Variants in EBF1 observed in about 807,000 individuals in gnomAD.
EBF1 encodes the protein transcription factor COE1.
In EBF1, 10 loss-of-function variants were observed where a neutral mutation model predicts 68.4. The ratio of observed to expected loss-of-function variants is 0.15; its 90% confidence interval spans 0.09 to 0.25. The LOEUF is 0.25. Ranked by LOEUF, EBF1 falls within the 10% of genes least tolerant of loss-of-function variation. The pLI, the probability that EBF1 is intolerant of heterozygous loss-of-function variation, is 1.00. For missense variants in EBF1, 509 were observed against 794.4 expected (o/e 0.64, Z 4.32); for synonymous variants, 298 against 299.8 (o/e 0.99, Z 0.06).
intron 6 of EBF1, among the ~76,000 whole-genome samples, chr5:158,895,481 C>T (rs1360000296): frequency 3.3e-5 from 5 of 152,168 alleles, no homozygotes; most frequent in Non-Finnish European, 7.3e-5. Context: ...CCTAAGCATT[C>T]TACATGTATT....
At chr5:159,041,000 C>T (rs562863147) in intron 6 of EBF1, among the ~76,000 whole-genome samples, 3 of 152,260 alleles carry the variant, frequency 2.0e-5, no homozygotes, top group South Asian at 4.1e-4. Context: ...TGTTTAGAAA[C>T]GGATTCTGTG....
At chr5:158,833,492 G>A (rs1371948561) in intron 7 of EBF1, among the ~76,000 whole-genome samples, 1 of 152,044 alleles carries the variant, frequency 6.6e-6, no homozygotes, top group Non-Finnish European at 1.5e-5. Context: ...GTCTTCATGG[G>A]CTGCACAGCT....
Position 159,003,460 on chromosome 5 carries a change from G to GAA in EBF1, c.554+69934_554+69935dup, listed in dbSNP as rs11428979. ...GAAGGCACAGGAAACACAACTGCAG[G>GAA]AAAAAAAAAAAAAAACTGGCATTCT... On this transcript the variant is annotated intron_variant, in intron 6 of 15. Coordinates refer to ENST00000313708, the MANE Select transcript of EBF1 (RefSeq NM_024007.5). Among the ~76,000 whole-genome samples the GAA allele has an allele frequency of 6.8e-4, 98 of 143,830 alleles. 1 individual carries two copies. The highest frequency in any genetic ancestry group is 1.9e-3 in the African/African-American group (73 of 39,134). 94.4% of individuals were successfully genotyped at this position (143,830 alleles called of 152,430 possible).
intron 11 of EBF1, among the ~76,000 whole-genome samples, chr5:158,723,473 G>A (rs1386400932): frequency 2.0e-5 from 3 of 152,036 alleles, no homozygotes; most frequent in Non-Finnish European, 4.4e-5. Context: ...TTTAGTTAGT[G>A]CTTATCAGGC....
intron 12 of EBF1, among the ~76,000 whole-genome samples, chr5:158,713,536 G>A (rs1243022432): frequency 6.6e-6 from 1 of 152,188 alleles, no homozygotes; most frequent in Non-Finnish European, 1.5e-5. Context: ...TACCCAGGGG[G>A]AGAGGAAGAG....
intron 4 of EBF1, among the ~76,000 whole-genome samples, chr5:159,091,481 G>A (rs1781635481): frequency 1.3e-5 from 2 of 152,166 alleles, no homozygotes; most frequent in South Asian, 2.1e-4. Flanking sequence ...CTGAAATATG[G>A]CCTCTGACTA....
rs78864733 is a variant in EBF1 at position 158,974,744 on chromosome 5, A to G, written c.554+98652T>C. Among the ~76,000 whole-genome samples the G allele has an allele frequency of 3.8e-3, 583 of 152,338 alleles. 3 individuals are homozygous for G. The East Asian group carries it at 0.047, about 12-fold the overall frequency. ...TTTGTAAATCCATATTTGAGACTTTAAGGAGAAAAAACAGCAACAATTTCT... is the reference window on the plus strand; with the variant it reads ...TTTGTAAATCCATATTTGAGACTTTGAGGAGAAAAAACAGCAACAATTTCT... On this transcript the variant is annotated intron_variant, in intron 6 of 15. Transcript: ENST00000313708.
intron 7 of EBF1, among the ~76,000 whole-genome samples, chr5:158,828,202 A>G (rs1786637279): frequency 6.6e-6 from 1 of 152,226 alleles, no homozygotes; most frequent in Non-Finnish European, 1.5e-5. Context: ...GGAACAAACT[A>G]TTGATATCCC....
chr5:158,822,455 T>G (rs1387678463), intron 8 of EBF1, among the ~76,000 whole-genome samples: 2 of 152,188 alleles, frequency 1.3e-5, no homozygotes, highest in Non-Finnish European at 1.5e-5. Context: ...CTGAGTGGCA[T>G]TCACTTTCCT....
At chr5:158,758,584 T>A (rs1770665851) in intron 10 of EBF1, among the ~76,000 whole-genome samples, 1 of 152,204 alleles carries the variant, frequency 6.6e-6, no homozygotes, top group Middle Eastern at 3.2e-3. Flanking sequence ...AAAGTAATCT[T>A]AATATTCTTT....
At chr5:159,044,261 A>G (rs765495042) in intron 6 of EBF1, among the ~76,000 whole-genome samples, 1 of 152,202 alleles carries the variant, frequency 6.6e-6, no homozygotes, top group Non-Finnish European at 1.5e-5. Context: ...AGCAGAGGAT[A>G]TTGGGCCCAA....
intron 6 of EBF1, among the ~76,000 whole-genome samples, chr5:158,876,347 C>A (rs895788105): frequency 1.3e-5 from 2 of 152,148 alleles, no homozygotes; most frequent in African/African-American, 4.8e-5. Context: ...TGTATCTCTA[C>A]CCTCAATCCC....
chr5:158,714,165 C>T lies in EBF1; in HGVS notation c.1143G>A (p.Arg381=). The T allele has an allele frequency of 6.2e-7, 1 of 1,614,182 alleles. No homozygotes were observed. The highest frequency in any genetic ancestry group is 8.5e-7 in the Non-Finnish European group (1 of 1,180,026). The change falls in exon 12 of 16, where the codon AGG becomes AGA. Residue 381 remains arginine, a synonymous_variant. Transcript: ENST00000313708. ...ERLPKEVILK[R]AADLVEALYG... is the part of the protein sequence containing the mutation. ...ACAGTGCTTCTACCAGATCCGCAGCCCTTTTGAGTATTACTTCCTGTCAAG... is the reference window on the plus strand; with the variant it reads ...ACAGTGCTTCTACCAGATCCGCAGCTCTTTTGAGTATTACTTCCTGTCAAG...
chr5:158,933,519 A>G (rs570604223), intron 6 of EBF1, among the ~76,000 whole-genome samples: 1 of 152,366 alleles, frequency 6.6e-6, no homozygotes, highest in Admixed American at 6.5e-5. Context: ...ACTGGAGAGT[A>G]AATAAAATTC....
intron 6 of EBF1, among the ~76,000 whole-genome samples, chr5:158,955,018 GA>G (rs555991343): frequency 5.4e-4 from 82 of 151,986 alleles, no homozygotes; most frequent in Non-Finnish European, 9.1e-4. Context: ...ATCCTCAGGG[GA>G]AAAAAATTAC....
intron 10 of EBF1, among the ~76,000 whole-genome samples, chr5:158,733,113 T>C (rs893761277): frequency 6.6e-6 from 1 of 152,148 alleles, no homozygotes; most frequent in Non-Finnish European, 1.5e-5. Flanking sequence ...ACTTGTAAAA[T>C]CCACTGTATT....
At chr5:158,965,974 G>T (rs1377933962) in intron 6 of EBF1, among the ~76,000 whole-genome samples, 1 of 152,080 alleles carries the variant, frequency 6.6e-6, no homozygotes, top group Non-Finnish European at 1.5e-5. Flanking sequence ...TTGGCTTAGA[G>T]CAAAAAAGGT....
At chr5:158,934,658 T>C (rs1811595096) in intron 6 of EBF1, among the ~76,000 whole-genome samples, 1 of 152,260 alleles carries the variant, frequency 6.6e-6, no homozygotes, top group African/African-American at 2.4e-5. Flanking sequence ...ATTTTTCCTC[T>C]GTTAATTTCA....
At chr5:159,091,162 A>T (rs1218184412) in intron 4 of EBF1, among the ~76,000 whole-genome samples, 1 of 152,222 alleles carries the variant, frequency 6.6e-6, no homozygotes, top group Non-Finnish European at 1.5e-5. Flanking sequence ...CTGTTCAAAC[A>T]TTCACATGGA....
Sources: gnomAD v4.1 joint callset for allele counts (sites outside exome capture counted in the v4.1 genomes callset) on GRCh38, gnomAD v4.1.1 for gene constraint, MANE v1.5 for transcripts, NCBI Gene and HGNC (gene_info 2026-07-23, HGNC 2026-07-21) for gene names.